PPFIBP1: variants seen among roughly 807,000 people sequenced by gnomAD.
PPFIBP1 encodes PPFIB scaffold protein 1, also known as liprin-beta-1.
A neutral mutation model predicts 137.8 loss-of-function variants in PPFIBP1; 112 were observed. The ratio of observed to expected loss-of-function variants is 0.81; its 90% CI spans 0.70 to 0.95. The LOEUF is 0.95. Ranked by LOEUF, PPFIBP1 falls within the 40% of genes least tolerant of loss-of-function variation. The probability of loss-of-function intolerance (pLI) is 0.00; values close to 1 mark genes in which losing one functional copy is unlikely to be tolerated. For synonymous variants in PPFIBP1, 378 were observed against 417.3 expected (o/e 0.91, Z 1.15); for missense variants, 1,083 against 1,196.6 (o/e 0.91, Z 1.40).
intron 2 of PPFIBP1, among the ~76,000 whole-genome samples, chr12:27,583,786 C>T (rs907845005): frequency 6.6e-6 from 1 of 152,202 alleles, no homozygotes; most frequent in Admixed American, 6.5e-5. Context: ...CTTTGCAAGA[C>T]TGTGAGTAAT....
intron 4 of PPFIBP1, among the ~76,000 whole-genome samples, chr12:27,638,763 A>C (rs865871408): frequency 2.6e-5 from 4 of 152,236 alleles, no homozygotes; most frequent in Non-Finnish European, 4.4e-5. Flanking sequence ...GAAAGAGTAC[A>C]AACATTCCTC....
intron 4 of PPFIBP1, among the ~76,000 whole-genome samples, chr12:27,640,549 A>G (rs1216756689): frequency 2.0e-5 from 3 of 152,108 alleles, no homozygotes; most frequent in African/African-American, 7.2e-5. Context: ...GTGTGTACCT[A>G]TGACTAGGGT....
At chr12:27,599,292 A>G (rs1176224423) in intron 2 of PPFIBP1, 1 of 294,284 alleles carries the variant, frequency 3.4e-6, no homozygotes, top group Non-Finnish European at 6.9e-6. Flanking sequence ...AGGCCTGAGT[A>G]AAACAAAACA....
intron 1 of PPFIBP1, among the ~76,000 whole-genome samples, chr12:27,539,535 G>A (rs141445174): frequency 2.4e-4 from 37 of 152,226 alleles, no homozygotes; most frequent in African/African-American, 7.5e-4. Context: ...AAACGTTTTG[G>A]TTTTCACATC....
intron 2 of PPFIBP1, among the ~76,000 whole-genome samples, chr12:27,598,683 T>C (rs1372753166): frequency 6.6e-6 from 1 of 152,154 alleles, no homozygotes; most frequent in African/African-American, 2.4e-5. Flanking sequence ...TGAAGCATCA[T>C]AGAAATAGCA....
chr12:27,672,484 G>T lies in PPFIBP1; in HGVS notation c.1319+1G>T. The T allele has an allele frequency of 4.4e-6, 7 of 1,598,254 alleles. No homozygotes were observed. The highest frequency in any genetic ancestry group is 5.1e-6 in the Non-Finnish European group (6 of 1,166,436). On this transcript the variant is annotated splice_donor_variant, in intron 15 of 29. Transcript: ENST00000228425. LOFTEE classifies it high-confidence loss of function. ...ATACCCAACTGTGTGATAAACTTTT[G>T]TAAGTTACATTTTATTGAATGTGAA...
intron 2 of PPFIBP1, among the ~76,000 whole-genome samples, chr12:27,579,937 G>T (rs561979730): frequency 2.6e-5 from 4 of 152,124 alleles, no homozygotes; most frequent in Non-Finnish European, 5.9e-5. Flanking sequence ...TGATGTGGTG[G>T]GGCTTATTGT....
intron 1 of PPFIBP1, among the ~76,000 whole-genome samples, chr12:27,545,639 C>T (rs1335779050): frequency 6.6e-6 from 1 of 152,186 alleles, no homozygotes; most frequent in Admixed American, 6.5e-5. Flanking sequence ...GCCTGTGTTC[C>T]TGAAGCATAG....
chr12:27,632,098 T>C (rs1218264972), intron 2 of PPFIBP1, among the ~76,000 whole-genome samples: 1 of 152,138 alleles, frequency 6.6e-6, no homozygotes, highest in Non-Finnish European at 1.5e-5. Context: ...TAAATGGTAG[T>C]GATATTTTTC....
chr12:27,541,133 G>A (rs1945606686), intron 1 of PPFIBP1, among the ~76,000 whole-genome samples: 1 of 152,114 alleles, frequency 6.6e-6, no homozygotes, highest in Admixed American at 6.6e-5. Flanking sequence ...AATAATCAGT[G>A]TTTAAAATTA....
At chr12:27,595,091 A>G (rs2053034440) in intron 2 of PPFIBP1, among the ~76,000 whole-genome samples, 1 of 152,244 alleles carries the variant, frequency 6.6e-6, no homozygotes, top group Non-Finnish European at 1.5e-5. Context: ...AATATATTAC[A>G]GTCTTCTGCT....
chr12:27,571,654 G>A (rs570975377), intron 1 of PPFIBP1, among the ~76,000 whole-genome samples: 7 of 152,234 alleles, frequency 4.6e-5, no homozygotes, highest in African/African-American at 1.7e-4. Flanking sequence ...ACCTCACTGG[G>A]GTGTGTTAGT....
At chr12:27,661,066 G>A in intron 11 of PPFIBP1, 121 bp downstream of exon 11, 1 of 1,415,094 alleles carries the variant, frequency 7.1e-7, no homozygotes, top group Non-Finnish European at 9.5e-7. Context: ...CTAGGAGTGA[G>A]GGGCAGGTGT....
intron 2 of PPFIBP1, among the ~76,000 whole-genome samples, chr12:27,588,527 A>T (rs2052067986): frequency 6.6e-6 from 1 of 152,146 alleles, no homozygotes; most frequent in African/African-American, 2.4e-5. Context: ...CTATCCAAAC[A>T]CACATTAACT....
chr12:27,569,583 T>C (rs1179111060), intron 1 of PPFIBP1, among the ~76,000 whole-genome samples: 1 of 152,138 alleles, frequency 6.6e-6, no homozygotes, highest in Non-Finnish European at 1.5e-5. Flanking sequence ...TGAGACGGAG[T>C]CTTGCCCTGT....
At chr12:27,550,843 A>G (rs1946690215) in intron 1 of PPFIBP1, among the ~76,000 whole-genome samples, 1 of 152,118 alleles carries the variant, frequency 6.6e-6, no homozygotes, top group Admixed American at 6.5e-5. Context: ...TAAAACAAAC[A>G]CAAATAAGAG....
At chr12:27,608,885 TTTTTG>T in intron 2 of PPFIBP1, 5 of 201,932 alleles carry the variant, frequency 2.5e-5, no homozygotes, top group Middle Eastern at 2.1e-3. Context: ...TTCATTTGTT[TTTTTG>T]TTTTGTTTTG....
intron 1 of PPFIBP1, chr12:27,538,446 T>G (rs1232051350): frequency 1.3e-5 from 2 of 152,228 alleles, no homozygotes; most frequent in Admixed American, 6.5e-5. Flanking sequence ...GAACTTTACT[T>G]GCAGTATCTC....
At chr12:27,586,187 A>G (rs1426990708) in intron 2 of PPFIBP1, among the ~76,000 whole-genome samples, 4 of 152,236 alleles carry the variant, frequency 2.6e-5, no homozygotes, top group African/African-American at 7.2e-5. Flanking sequence ...TAACTTCCCC[A>G]GGATCCACAG....
Sources: allele counts gnomAD v4.1 joint callset (sites outside exome capture counted in the v4.1 genomes callset), GRCh38; gene constraint gnomAD v4.1.1; transcripts MANE v1.5; gene names NCBI Gene and HGNC (gene_info 2026-07-23, HGNC 2026-07-21).